ZC2HC1B: variants seen among roughly 807,000 people sequenced by gnomAD.
ZC2HC1B encodes zinc finger C2HC-type containing 1B.
A neutral mutation model predicts 31.0 loss-of-function variants in ZC2HC1B; 36 were observed. The observed-to-expected ratio is 1.16, with a 90% CI of 0.89 to 1.54. The LOEUF is 1.54. ZC2HC1B is among the 40% of genes most tolerant of loss of function. The pLI is 0.00. For synonymous variants in ZC2HC1B, 73 were observed against 88.0 expected, an observed-to-expected ratio of 0.83 and a Z score of 0.95; for missense variants, 260 against 268.6, an observed-to-expected ratio of 0.97 and a Z score of 0.22.
At chr6:143,879,735 A>C (rs1777446098) in intron 1 of ZC2HC1B, among the ~76,000 whole-genome samples, 1 of 151,612 alleles carries the variant, frequency 6.6e-6, no homozygotes, top group Admixed American at 6.6e-5. Flanking sequence ...AAACTTTTTC[A>C]ATTTTAATCT....
chr6:143,937,815 C>A, intron 7 of ZC2HC1B, 82 bp downstream of exon 7: 1 of 1,019,808 alleles, frequency 9.8e-7, no homozygotes, highest in African/African-American at 1.6e-5. Flanking sequence ...AGTAAGCAAA[C>A]TGAAGAGACA....
At chr6:143,929,897 T>C (rs1338635722) in intron 6 of ZC2HC1B, among the ~76,000 whole-genome samples, 1 of 152,226 alleles carries the variant, frequency 6.6e-6, no homozygotes, top group Non-Finnish European at 1.5e-5. Flanking sequence ...CATAGTAGTC[T>C]CTGATGATCT....
intron 6 of ZC2HC1B, among the ~76,000 whole-genome samples, chr6:143,920,955 A>G (rs911929057): frequency 6.6e-6 from 1 of 151,128 alleles, no homozygotes; most frequent in Non-Finnish European, 1.5e-5. Flanking sequence ...ATACCATCTG[A>G]GCTCACCTTC....
At chr6:143,877,601 A>G (rs1290485125) in intron 1 of ZC2HC1B, among the ~76,000 whole-genome samples, 4 of 150,082 alleles carry the variant, frequency 2.7e-5, no homozygotes, top group Non-Finnish European at 5.9e-5. Context: ...TTAATTTCTA[A>G]GAGTTATAAT....
rs1459652963 is a variant in ZC2HC1B at position 143,934,106 on chromosome 6, T to A, written c.599-3543T>A. On this transcript the variant is annotated intron_variant, in intron 6 of 7. Transcript: ENST00000237275. This position sits in a 1 kb window ranked among gnomAD's most constrained non-coding sequence, Gnocchi z 4.6. ...ATTTCAGCTCTAGGTAAGGCTAAAT[T>A]CTTCTCCCGTAATCTGGATTTTTCA... 1.3e-5 allele frequency among the ~76,000 whole-genome samples: 2 copies of A among 152,336 alleles called. No homozygotes were observed. Among genetic ancestry groups the A allele is most frequent in the East Asian group, 3.9e-4 (2 of 5,186 alleles).
At chr6:143,910,835 C>T (rs1242291534) in intron 6 of ZC2HC1B, among the ~76,000 whole-genome samples, 2 of 152,166 alleles carry the variant, frequency 1.3e-5, no homozygotes, top group Non-Finnish European at 2.9e-5. Flanking sequence ...CTCATTGCAA[C>T]CTCCACCTCC....
At position 143,934,508 on chromosome 6, in the gene ZC2HC1B, T is replaced by G. The variant is rs571202582; in HGVS notation, c.599-3141T>G. Among the ~76,000 whole-genome samples, 4 of 152,362 alleles carry G rather than the reference T, an allele frequency of 2.6e-5. No homozygotes were observed. The highest frequency in any genetic ancestry group is 2.6e-4 in the Admixed American group (4 of 15,310). On this transcript the variant is annotated intron_variant, in intron 6 of 7. Coordinates refer to ENST00000237275, the MANE Select transcript of ZC2HC1B (RefSeq NM_001013623.3). This position sits in a 1 kb window ranked among gnomAD's most constrained non-coding sequence, Gnocchi z 4.6. ...GTATTCCTTTGGAGGAGTCATATTTTCTTGCATTTTTATGTTTCTTGTGTT... is the reference window on the plus strand; with the variant it reads ...GTATTCCTTTGGAGGAGTCATATTTGCTTGCATTTTTATGTTTCTTGTGTT...
At position 143,872,665 on chromosome 6, in the gene ZC2HC1B, C is replaced by T. The variant is rs1777355175; in HGVS notation, c.28+8098C>T. Among the ~76,000 whole-genome samples the T allele has an allele frequency of 6.6e-6, 1 of 152,104 alleles. No homozygotes were observed. The highest frequency in any genetic ancestry group is 1.5e-5 in the Non-Finnish European group (1 of 68,030). The stretch of plus-strand genomic sequence containing the variant: ...GGCTGGGGAGGCCTCAGAATCATGG[C>T]AGAAGGCAAAAGGCACTACTTACAT... On this transcript the variant is annotated intron_variant, in intron 1 of 7. Transcript: ENST00000237275. This position sits in a 1 kb window ranked among gnomAD's most constrained non-coding sequence, Gnocchi z 5.5.
At chr6:143,867,877 T>A (rs1777285395) in intron 1 of ZC2HC1B, among the ~76,000 whole-genome samples, 1 of 152,228 alleles carries the variant, frequency 6.6e-6, no homozygotes, top group South Asian at 2.1e-4. Context: ...AGTCTATAAT[T>A]GCCTTTTCCT....
At chr6:143,866,784 C>T (rs994814221) in intron 1 of ZC2HC1B, among the ~76,000 whole-genome samples, 3 of 152,190 alleles carry the variant, frequency 2.0e-5, no homozygotes, top group African/African-American at 4.8e-5. Context: ...TTCTAATGGC[C>T]TTGCATTTTA....
chr6:143,875,745 G>T (rs1203839393), intron 1 of ZC2HC1B, among the ~76,000 whole-genome samples: 1 of 150,678 alleles, frequency 6.6e-6, no homozygotes, highest in African/African-American at 2.5e-5. Flanking sequence ...GGTGTTGGAG[G>T]TGGTTTCTGA....
At chr6:143,914,590 A>G (rs982293803) in intron 6 of ZC2HC1B, among the ~76,000 whole-genome samples, 2 of 152,022 alleles carry the variant, frequency 1.3e-5, no homozygotes, top group African/African-American at 4.8e-5. Flanking sequence ...TAGTTGGTTT[A>G]TTGTATTAAA....
Position 143,900,925 on chromosome 6 carries a change from G to A in ZC2HC1B, c.490-2119G>A, listed in dbSNP as rs138153988. ...ACAATCTCGGCTCACTGCAACCTCC[G>A]CCTCCTGGGTTCAAGCGATTCTCCG... On this transcript the variant is annotated intron_variant, in intron 5 of 7. Transcript: ENST00000237275. 2.1e-3 allele frequency among the ~76,000 whole-genome samples: 314 copies of A among 152,088 alleles called. 7 individuals are homozygous for A. In the East Asian group the frequency reaches 0.039, roughly 19 times the overall value.
chr6:143,931,123 C>T (rs1157515823), intron 6 of ZC2HC1B, among the ~76,000 whole-genome samples: 3 of 152,098 alleles, frequency 2.0e-5, no homozygotes, highest in African/African-American at 4.8e-5. Context: ...AGAATAGCTA[C>T]TCCTGCTTGC....
At position 143,918,801 on chromosome 6, in the gene ZC2HC1B, G is replaced by T. The variant is rs1777950106; in HGVS notation, c.598+15649G>T. Among the ~76,000 whole-genome samples the T allele has an allele frequency of 6.6e-6, 1 of 152,042 alleles. No individual in the cohort carries two copies. The highest frequency in any genetic ancestry group is 6.6e-5 in the Admixed American group (1 of 15,258). Reference sequence around the variant, plus strand: ...TTTCCATTGTCCTGTCTTTAAGTTTGCTGAGTCTTTCCTCTGTTTGTTCAA... The same window carrying T: ...TTTCCATTGTCCTGTCTTTAAGTTTTCTGAGTCTTTCCTCTGTTTGTTCAA... On this transcript the variant is annotated intron_variant, in intron 6 of 7. Transcript: ENST00000237275. This position sits in a 1 kb window ranked among gnomAD's most constrained non-coding sequence, Gnocchi z 4.1.
Position 143,872,949 on chromosome 6 carries a change from A to G in ZC2HC1B, c.28+8382A>G, listed in dbSNP as rs572177570. 6.6e-6 allele frequency among the ~76,000 whole-genome samples: 1 copy of G among 152,180 alleles called. No individual in the cohort carries two copies. The highest frequency in any genetic ancestry group is 1.9e-4 in the East Asian group (1 of 5,168). ...AAATCTCATGTCCTCACATTTCAAA[A>G]CCAATCATGCCTCCCCAACAGTCTC... On this transcript the variant is annotated intron_variant, in intron 1 of 7. Transcript: ENST00000237275. The surrounding 1 kb of genome is among the most constrained non-coding windows in gnomAD (Gnocchi z 5.5).
chr6:143,865,566 C>T lies in ZC2HC1B; in HGVS notation c.28+999C>T, dbSNP rs1777248602. On this transcript the variant is annotated intron_variant, in intron 1 of 7. Coordinates refer to ENST00000237275, the MANE Select transcript of ZC2HC1B (RefSeq NM_001013623.3). This position sits in a 1 kb window ranked among gnomAD's most constrained non-coding sequence, Gnocchi z 4.4. ...TCTGTTGACGCAGAGGACTGTTTTT[C>T]AGTCTCCTCTCGCAGGACAAACCCT... Among the ~76,000 whole-genome samples the T allele has an allele frequency of 6.6e-6, 1 of 152,226 alleles. No homozygotes were observed. Among genetic ancestry groups the T allele is most frequent in the African/African-American group, 2.4e-5 (1 of 41,458 alleles).
Position 143,905,264 on chromosome 6 carries a change from A to G in ZC2HC1B, c.598+2112A>G, listed in dbSNP as rs1261844783. On this transcript the variant is annotated intron_variant, in intron 6 of 7. Coordinates refer to ENST00000237275, the MANE Select transcript of ZC2HC1B (RefSeq NM_001013623.3). This position sits in a 1 kb window ranked among gnomAD's most constrained non-coding sequence, Gnocchi z 4.2. ...CTTTCAGCAATGTTTTGTAGTTTTC[A>G]TTGTACAAATCTTTCACCTCATTGC... 6.6e-6 allele frequency among the ~76,000 whole-genome samples: 1 copy of G among 152,112 alleles called. No homozygotes were observed. The highest frequency in any genetic ancestry group is 2.4e-5 in the African/African-American group (1 of 41,436).
Position 143,905,787 on chromosome 6 carries a change from G to A in ZC2HC1B, c.598+2635G>A, listed in dbSNP as rs151109675. On this transcript the variant is annotated intron_variant, in intron 6 of 7. Transcript: ENST00000237275. The surrounding 1 kb of genome is among the most constrained non-coding windows in gnomAD (Gnocchi z 4.2). ...GAAAGGGTGTTGAATTTTCTCAAAT[G>A]GTTTTTTTTGCATCAATTGAGATGA... Among the ~76,000 whole-genome samples, 3 of 151,946 alleles carry A rather than the reference G, an allele frequency of 2.0e-5. No individual in the cohort carries two copies. The highest frequency in any genetic ancestry group is 7.2e-5 in the African/African-American group (3 of 41,474).
Sources: gnomAD v4.1 joint callset for allele counts (sites outside exome capture counted in the v4.1 genomes callset) on GRCh38, gnomAD v4.1.1 for gene constraint, Gnocchi (gnomAD v3.1) non-coding constraint, MANE v1.5 for transcripts, NCBI Gene and HGNC (gene_info 2026-07-23, HGNC 2026-07-21) for gene names.